The following TBCD variants were observed in gnomAD, a reference collection of about 807,000 sequenced individuals.
The protein encoded by TBCD is tubulin folding cofactor D.
A neutral mutation model predicts 169.3 loss-of-function variants in TBCD; 105 were observed. The observed-to-expected ratio is 0.62, with a 90% confidence interval of 0.53 to 0.73. The LOEUF (loss-of-function observed/expected upper bound fraction) is 0.73. Among genes scored for constraint, TBCD ranks in the 30% least tolerant of loss-of-function variants. The pLI is 0.00. For missense variants in TBCD, 1,444 were observed against 1,600.1 expected (o/e 0.90, Z 1.66); for synonymous variants, 700 against 643.9 (o/e 1.09, Z -1.32).
chr17:82,847,948 G>A (rs913785765), intron 13 of TBCD, among the ~76,000 whole-genome samples: 15 of 152,192 alleles, frequency 9.9e-5, no homozygotes, highest in African/African-American at 3.4e-4. Flanking sequence ...GAATTTTTAT[G>A]GAACTGGGGC....
intron 7 of TBCD, among the ~76,000 whole-genome samples, chr17:82,783,527 C>A (rs1270330027): frequency 6.6e-6 from 1 of 152,186 alleles, no homozygotes; most frequent in East Asian, 1.9e-4. Context: ...CTTCCCCAGC[C>A]CCTGCAGCCG....
intron 13 of TBCD, chr17:82,830,036 T>TG (rs2053335945): frequency 3.2e-6 from 5 of 1,541,656 alleles, no homozygotes; most frequent in Non-Finnish European, 3.5e-6. Flanking sequence ...AAGCAGCAGC[T>TG]GCATTTGTAA....
At position 82,809,794 on chromosome 17, in the gene TBCD, G is replaced by A; in HGVS notation, c.1223+12G>A. ...CTGGACTGCTTCAGGTATGTGAGAA[G>A]AGCAGGGGAGGCGTGTGGGCCTGAC... On this transcript the variant is annotated intron_variant, in intron 12 of 38. Transcript: ENST00000355528. The A allele has an allele frequency of 6.2e-7, 1 of 1,612,776 alleles. No individual in the cohort carries two copies. Among genetic ancestry groups the A allele is most frequent in the Non-Finnish European group, 8.5e-7 (1 of 1,179,312 alleles).
At chr17:82,927,666 C>G (rs1230426316) in intron 29 of TBCD, among the ~76,000 whole-genome samples, 1 of 152,018 alleles carries the variant, frequency 6.6e-6, no homozygotes, top group Admixed American at 6.6e-5. Flanking sequence ...CCTGAAACGC[C>G]TGTGTGTGTA....
chr17:82,828,413 C>T (rs1044881015), intron 13 of TBCD, among the ~76,000 whole-genome samples: 16 of 151,328 alleles, frequency 1.1e-4, no homozygotes, highest in Non-Finnish European at 2.1e-4. Context: ...AATGCACACA[C>T]ACCCGCAGAT....
rs1266932141 is a variant in TBCD at position 82,868,393 on chromosome 17, C to T, written c.1319-1831C>T. On this transcript the variant is annotated intron_variant, in intron 13 of 38. Transcript: ENST00000355528. The stretch of plus-strand genomic sequence containing the variant: ...GCAGGGACCCCGGAATGTCCTGCTG[C>T]TCCCCCGGGCCTCTGTGTGCAGCGC... 4.6e-5 allele frequency among the ~76,000 whole-genome samples: 7 copies of T among 152,276 alleles called. No individual in the cohort carries two copies. The Middle Eastern group carries it at 0.017, about 370-fold the overall frequency.
At chr17:82,800,360 GCA>G (rs2050418487) in intron 8 of TBCD, among the ~76,000 whole-genome samples, 1 of 152,108 alleles carries the variant, frequency 6.6e-6, no homozygotes, top group Non-Finnish European at 1.5e-5. Flanking sequence ...TGTCATCACT[GCA>G]TGACACCGAG....
At chr17:82,802,627 C>A (rs1038544317) in intron 9 of TBCD, among the ~76,000 whole-genome samples, 13 of 152,196 alleles carry the variant, frequency 8.5e-5, no homozygotes, top group South Asian at 2.1e-4. Context: ...GAAGACAGAA[C>A]AAGTCCAGTT....
intron 13 of TBCD, chr17:82,860,434 G>A (rs1243669298): frequency 5.1e-6 from 5 of 985,388 alleles, no homozygotes; most frequent in South Asian, 9.4e-5. Context: ...GACAGACACA[G>A]GTGGAAGGAA....
At position 82,923,847 on chromosome 17, in the gene TBCD, TCATGGCTGGAGTGG is replaced by T; in HGVS notation, c.2260+115_2260+128del. On this transcript the variant is annotated intron_variant, in intron 26 of 38. Coordinates refer to ENST00000355528, the MANE Select transcript of TBCD (RefSeq NM_005993.5). The surrounding 1 kb of genome is among the most constrained non-coding windows in gnomAD (Gnocchi z 4.6). Reference sequence around the variant, plus strand: ...GTGCAGTGGAGCAGAGCCACCACGATCATGGCTGGAGTGGGACTGTTCGGGTCTCAGGTTCCCAG... The same window carrying T: ...GTGCAGTGGAGCAGAGCCACCACGATGACTGTTCGGGTCTCAGGTTCCCAG... The T allele has an allele frequency of 1.2e-6, 1 of 841,754 alleles. No homozygotes were observed. Among genetic ancestry groups the T allele is most frequent in the Non-Finnish European group, 1.8e-6 (1 of 541,778 alleles). The allele number at this position is 841,754 out of a possible 1,614,324, so 52.1% of individuals were successfully genotyped here.
rs576100840 is a variant in TBCD, at chr17:82,787,252, A to G, written c.771+5531A>G. Among the ~76,000 whole-genome samples the G allele has an allele frequency of 5.3e-5, 8 of 152,354 alleles. No individual in the cohort carries two copies. In the East Asian group the frequency reaches 9.6e-4, roughly 18 times the overall value. On this transcript the variant is annotated intron_variant, in intron 7 of 38. Transcript: ENST00000355528. The stretch of plus-strand genomic sequence containing the variant: ...GGTTTGGCAGCAGCACCTCAGAACT[A>G]TTCAGAGATTTGCCCTCAGCAAGAG...
intron 13 of TBCD, chr17:82,859,601 C>T: frequency 1.1e-5 from 11 of 985,422 alleles, no homozygotes; most frequent in Non-Finnish European, 1.3e-5. Context: ...CTGCAGACTC[C>T]AAGTGTGAGC....
At position 82,925,684 on chromosome 17, in the gene TBCD, G is replaced by A. The variant is rs560852015; in HGVS notation, c.2379+627G>A. 8.5e-5 allele frequency among the ~76,000 whole-genome samples: 13 copies of A among 152,330 alleles called. No homozygotes were observed. In the South Asian group the frequency reaches 2.5e-3, roughly 29 times the overall value. On this transcript the variant is annotated intron_variant, in intron 27 of 38. Coordinates refer to ENST00000355528, the MANE Select transcript of TBCD (RefSeq NM_005993.5). The stretch of plus-strand genomic sequence containing the variant: ...ACGGACTCCTGCCTGTGTGGCGGGT[G>A]GGCCTCGCAGCCGCCATGCCATCTA...
chr17:82,765,419 T>C (rs1288350747), intron 3 of TBCD, among the ~76,000 whole-genome samples: 1 of 151,840 alleles, frequency 6.6e-6, no homozygotes, highest in African/African-American at 2.4e-5. Flanking sequence ...GCTCATAGTC[T>C]GCTTTTCTTA....
At chr17:82,771,856 G>A (rs1338828684) in intron 5 of TBCD, among the ~76,000 whole-genome samples, 3 of 151,724 alleles carry the variant, frequency 2.0e-5, no homozygotes, top group Non-Finnish European at 4.4e-5. Flanking sequence ...CCTGGGAGGC[G>A]GAGCTTGCAG....
rs201804342 is a variant in TBCD at position 82,761,513 on chromosome 17, T to TTAGA, written c.236-2451_236-2450insAGAT. On this transcript the variant is annotated intron_variant, in intron 2 of 38. Coordinates refer to ENST00000355528, the MANE Select transcript of TBCD (RefSeq NM_005993.5). Reference sequence around the variant, plus strand: ...ATCCCAAGGAGTTACTTGATGTCCTTTTGCTGTCAGTCCCCTCACCCCAGC... The same window carrying TTAGA: ...ATCCCAAGGAGTTACTTGATGTCCTTTAGATTGCTGTCAGTCCCCTCACCCCAGC... Among the ~76,000 whole-genome samples, 99 of 152,248 alleles carry TTAGA rather than the reference T, an allele frequency of 6.5e-4. No individual in the cohort carries two copies. In the East Asian group the frequency reaches 0.019, roughly 29 times the overall value.
chr17:82,831,933 G>T lies in TBCD; in HGVS notation c.1318+16999G>T, dbSNP rs200058922. 3.0e-5 allele frequency: 48 copies of T among 1,614,210 alleles called. No homozygotes were observed. The East Asian group carries it at 9.4e-4, about 31-fold the overall frequency. On this transcript the variant is annotated intron_variant, in intron 13 of 38. Transcript: ENST00000355528. This position sits in a 1 kb window ranked among gnomAD's most constrained non-coding sequence, Gnocchi z 4.6. ...CCAGTGTCTCGGGCGCCTCGGCGTT[G>T]TCTGGCCCCTTGAGTCTGTGCTCGC...
At chr17:82,794,277 C>G (rs980510536) in intron 7 of TBCD, among the ~76,000 whole-genome samples, 1 of 149,608 alleles carries the variant, frequency 6.7e-6, no homozygotes, top group African/African-American at 2.4e-5. Context: ...CTGGCTCGCA[C>G]GTTGCAGAGA....
intron 6 of TBCD, among the ~76,000 whole-genome samples, chr17:82,780,188 C>T (rs2048852956): frequency 6.6e-6 from 1 of 152,130 alleles, no homozygotes; most frequent in African/African-American, 2.4e-5. Context: ...CCTGGCTCTC[C>T]TGCTTCCCTG....
Sources: gnomAD v4.1 joint callset for allele counts (sites outside exome capture counted in the v4.1 genomes callset) on GRCh38, gnomAD v4.1.1 for gene constraint, Gnocchi (gnomAD v3.1) non-coding constraint, MANE v1.5 for transcripts, NCBI Gene and HGNC (gene_info 2026-07-23, HGNC 2026-07-21) for gene names.